LEPR: variants seen among roughly 807,000 people sequenced by gnomAD.
LEPR encodes leptin receptor, also known as OB receptor.
In LEPR, 56 loss-of-function variants were observed where a neutral mutation model predicts 114.7. The observed-to-expected ratio is 0.49, with a 90% CI of 0.39 to 0.61. The LOEUF (loss-of-function observed/expected upper bound fraction) is 0.61, where lower values mean the gene tolerates loss of function less well. LEPR is among the 20% of genes least tolerant of loss of function. LEPR has a pLI of 0.00. For missense variants in LEPR, 1,202 were observed against 1,352.9 expected (o/e 0.89, Z 1.75); for synonymous variants, 443 against 461.4 (o/e 0.96, Z 0.51).
intron 2 of LEPR, among the ~76,000 whole-genome samples, chr1:65,495,839 A>G (rs1648128178): frequency 6.6e-6 from 1 of 152,204 alleles, no homozygotes; most frequent in Non-Finnish European, 1.5e-5. Context: ...CATATATGGT[A>G]GCTAAAAAAG....
chr1:65,429,667 C>T (rs913808259), intron 2 of LEPR, among the ~76,000 whole-genome samples: 1 of 152,084 alleles, frequency 6.6e-6, no homozygotes, highest in African/African-American at 2.4e-5. Flanking sequence ...ATATAAGCTA[C>T]CTACATAGTA....
In LEPR at chr1:65,432,833, A is replaced by G; in HGVS notation, c.-21+7455A>G. ...TCTAATGTTCTCATAAAAAAGTTAA[A>G]TATTTGAGATCATATGTTAATTAGT... is the stretch of plus-strand genomic sequence containing the variant. On this transcript the variant is annotated intron_variant, in intron 2 of 19. Coordinates refer to ENST00000349533, the MANE Select transcript of LEPR (RefSeq NM_002303.6). The G allele has an allele frequency of 4.7e-6, 3 of 637,056 alleles. No homozygotes were observed. In the South Asian group the frequency reaches 2.1e-4, roughly 44 times the overall value. 39.5% of individuals were successfully genotyped at this position (637,056 alleles called of 1,614,324 possible).
Position 65,452,657 on chromosome 1 carries a change from G to T in LEPR, c.-21+27279G>T, listed in dbSNP as rs1570474474. ...CTTGATCATGGTGGATAAGCTTTTT[G>T]ATGTGCTGCTGGATTCGGTTTGCCA... On this transcript the variant is annotated intron_variant, in intron 2 of 19. Transcript: ENST00000349533. 3.3e-5 allele frequency among the ~76,000 whole-genome samples: 5 copies of T among 151,074 alleles called. 1 individual carries two copies.
In LEPR at chr1:65,570,472, G is replaced by T; in HGVS notation, c.41-1G>T. 6.2e-7 allele frequency: 1 copy of T among 1,612,846 alleles called. No homozygotes were observed. ...TATGTGTCTTTTTAATATCCTAACA[G>T]AATTTATTTATGTGATAACTGCGTT... is the stretch of plus-strand genomic sequence containing the variant. On this transcript the variant is annotated splice_acceptor_variant, in intron 3 of 19. Transcript: ENST00000349533. LOFTEE classifies it high-confidence loss of function.
intron 1 of LEPR, among the ~76,000 whole-genome samples, chr1:65,422,853 A>C (rs1646278950): frequency 6.6e-6 from 1 of 152,240 alleles, no homozygotes; most frequent in Admixed American, 6.5e-5. Context: ...TAGGCTGTGG[A>C]AGCAACCGCA....
At chr1:65,428,622 G>T (rs564539953) in intron 2 of LEPR, among the ~76,000 whole-genome samples, 37 of 152,204 alleles carry the variant, frequency 2.4e-4, no homozygotes, top group African/African-American at 7.0e-4. Flanking sequence ...CATTAGTGTG[G>T]CTTCATCCCA....
intron 2 of LEPR, among the ~76,000 whole-genome samples, chr1:65,504,378 C>G (rs1358484536): frequency 3.3e-5 from 5 of 152,066 alleles, no homozygotes; most frequent in Admixed American, 6.6e-5. Context: ...AGGGTGAAAC[C>G]TGATAAACAC....
intron 3 of LEPR, among the ~76,000 whole-genome samples, chr1:65,568,803 C>T (rs1653953638): frequency 6.6e-6 from 1 of 152,102 alleles, no homozygotes; most frequent in Admixed American, 6.5e-5. Flanking sequence ...AGTGAATAAG[C>T]ATTTCCTTTT....
chr1:65,515,880 G>T (rs1649260524), intron 2 of LEPR, among the ~76,000 whole-genome samples: 1 of 152,096 alleles, frequency 6.6e-6, no homozygotes, highest in Non-Finnish European at 1.5e-5. Flanking sequence ...AAAATTGCTA[G>T]CACTTAAGAT....
intron 2 of LEPR, among the ~76,000 whole-genome samples, chr1:65,455,370 A>T (rs528888219): frequency 2.0e-5 from 3 of 152,148 alleles, no homozygotes; most frequent in Non-Finnish European, 4.4e-5. Flanking sequence ...TGCTGTTTAG[A>T]GTTCCCAGTT....
intron 2 of LEPR, among the ~76,000 whole-genome samples, chr1:65,563,368 C>G (rs1285675900): frequency 1.4e-4 from 9 of 64,644 alleles, no homozygotes; most frequent in African/African-American, 1.7e-4. Flanking sequence ...CTTCTGCATT[C>G]TTCACGTAGT....
rs180999075 is a variant in LEPR at position 65,638,895 on chromosome 1, C to G, written c.*1880C>G. The stretch of plus-strand genomic sequence containing the variant: ...GGATAATTTTACATGGCTTTAGAGA[C>G]ACAGAAACAGATAAATTATTACATG... On this transcript the variant is annotated 3_prime_UTR_variant, in exon 20 of 20. Coordinates refer to ENST00000349533, the MANE Select transcript of LEPR (RefSeq NM_002303.6). 6.6e-6 allele frequency: 1 copy of G among 151,930 alleles called. No individual in the cohort carries two copies. Among genetic ancestry groups the G allele is most frequent in the Non-Finnish European group, 1.5e-5 (1 of 67,980 alleles). 9.4% of individuals were successfully genotyped at this position (151,930 alleles called of 1,614,324 possible).
intron 2 of LEPR, among the ~76,000 whole-genome samples, chr1:65,512,939 T>C (rs975446519): frequency 9.2e-5 from 14 of 152,338 alleles, no homozygotes; most frequent in African/African-American, 2.9e-4. Flanking sequence ...TGTGTTCTTA[T>C]ATGCGGCAGA....
In LEPR at chr1:65,488,226, C is replaced by CTCTCTCTCTCTTTCTTTCTTTCTT. The variant is rs1553157734; in HGVS notation, c.-21+62851_-21+62852insCTCTCTCTTTCTTTCTTTCTTTCT. On this transcript the variant is annotated intron_variant, in intron 2 of 19. Coordinates refer to ENST00000349533, the MANE Select transcript of LEPR (RefSeq NM_002303.6). ...TTTCTTTCTTTCTCTCTCTCTCTCT[C>CTCTCTCTCTCTTTCTTTCTTTCTT]TCTTTCTTTCTTTCTTTCTTTCTTT... Among the ~76,000 whole-genome samples, 25 of 67,938 alleles carry CTCTCTCTCTCTTTCTTTCTTTCTT rather than the reference C, an allele frequency of 3.7e-4. 1 individual carries two copies. Among genetic ancestry groups the CTCTCTCTCTCTTTCTTTCTTTCTT allele is most frequent in the African/African-American group, 9.6e-4 (11 of 11,440 alleles). 44.6% of individuals were successfully genotyped at this position (67,938 alleles called of 152,430 possible).
chr1:65,551,094 G>A (rs1172612918), intron 2 of LEPR, among the ~76,000 whole-genome samples: 2 of 152,096 alleles, frequency 1.3e-5, no homozygotes, highest in African/African-American at 2.4e-5. Context: ...TGAGCTTTTT[G>A]ATGTGCTGCT....
chr1:65,434,259 A>T, intron 2 of LEPR: 3 of 981,692 alleles, frequency 3.1e-6, no homozygotes, highest in Non-Finnish European at 3.6e-6. Context: ...ATCTGAATAT[A>T]TAATACAAAA....
intron 2 of LEPR, among the ~76,000 whole-genome samples, chr1:65,431,605 C>T (rs554237518): frequency 3.9e-5 from 6 of 152,244 alleles, no homozygotes; most frequent in African/African-American, 1.4e-4. Flanking sequence ...AAGGATGATA[C>T]CAGACTTAAT....
At chr1:65,595,384 C>T (rs1453487630) in intron 6 of LEPR, among the ~76,000 whole-genome samples, 1 of 152,042 alleles carries the variant, frequency 6.6e-6, no homozygotes, top group Non-Finnish European at 1.5e-5. Flanking sequence ...ATAACTTTTA[C>T]AGTATGCAGA....
chr1:65,604,384 G>A (rs936474765), intron 10 of LEPR, among the ~76,000 whole-genome samples: 1 of 151,212 alleles, frequency 6.6e-6, no homozygotes, highest in Non-Finnish European at 1.5e-5. Flanking sequence ...TCCCTCTGTC[G>A]CCCAGGCTGC....
Sources: allele counts gnomAD v4.1 joint callset (sites outside exome capture counted in the v4.1 genomes callset), GRCh38; gene constraint gnomAD v4.1.1; transcripts MANE v1.5; gene names NCBI Gene and HGNC (gene_info 2026-07-23, HGNC 2026-07-21).